ZNF587B: variants seen among roughly 807,000 people sequenced by gnomAD.
ZNF587B encodes zinc finger protein 587B.
Under a neutral mutation model 7.2 loss-of-function variants are expected in ZNF587B, and 6 were observed. The ratio of observed to expected loss-of-function variants is 0.83; its 90% CI spans 0.46 to 1.65. The LOEUF (loss-of-function observed/expected upper bound fraction) is 1.65, where lower values mean the gene tolerates loss of function less well. Ranked by LOEUF, ZNF587B falls within the 40% of genes most tolerant of loss-of-function variation. The pLI is 0.01. For synonymous variants in ZNF587B, 274 were observed against 254.3 expected (o/e 1.08, Z -0.74); for missense variants, 749 against 761.0 (o/e 0.98, Z 0.19).
intron 2 of ZNF587B, 109 bp downstream of exon 2, chr19:57,839,258 T>G (rs1988748881): frequency 6.6e-7 from 1 of 1,514,672 alleles, no homozygotes; most frequent in Non-Finnish European, 8.9e-7. Context: ...GCTTCCTGCT[T>G]CAGTTCTATG....
intron 1 of ZNF587B, among the ~76,000 whole-genome samples, chr19:57,837,857 C>G (rs1988683851): frequency 6.6e-6 from 1 of 152,024 alleles, no homozygotes; most frequent in Non-Finnish European, 1.5e-5. Flanking sequence ...AGCACTGGTA[C>G]TACAGGTGCG....
Position 57,842,173 on chromosome 19 carries a change from A to G in ZNF587B, c.1499A>G (p.Gln500Arg), listed in dbSNP as rs1280262625. The change falls in exon 3 of 3, where the codon CAG (glutamine) becomes CGG (arginine). Residue 500 changes from glutamine to arginine, a missense_variant. Transcript: ENST00000594901. ...GEKPYACEACQKFFRHKCHLT... is the reference protein window; with the variant it reads ...GEKPYACEACRKFFRHKCHLT... ...AAGCCATATGCTTGTGAGGCTTGTC[A>G]GAAATTTTTTAGGCACAAGTGCCAC... is the stretch of plus-strand genomic sequence containing the variant. 3 of 1,613,220 alleles carry G rather than the reference A, an allele frequency of 1.9e-6. No homozygotes were observed. Among genetic ancestry groups the G allele is most frequent in the Non-Finnish European group, 2.5e-6 (3 of 1,179,630 alleles).
intron 1 of ZNF587B, among the ~76,000 whole-genome samples, chr19:57,832,027 T>A (rs1251988554): frequency 6.6e-6 from 1 of 152,046 alleles, no homozygotes; most frequent in African/African-American, 2.4e-5. Context: ...TTTATTTGTT[T>A]ACTAAACAAA....
rs1427393935 is a variant in ZNF587B at position 57,830,458 on chromosome 19, G to C, written c.-71G>C. On this transcript the variant is annotated 5_prime_UTR_variant, in exon 1 of 3. Coordinates refer to ENST00000594901, the MANE Select transcript of ZNF587B (RefSeq NM_001376223.1). ...CGTGACCCACCCCTGGGCCAGGATA[G>C]GGACCGTCATGCCCATATCTCCTGG... The C allele has an allele frequency of 1.3e-5, 20 of 1,517,556 alleles. No homozygotes were observed. The highest frequency in any genetic ancestry group is 4.8e-5 in the South Asian group (4 of 83,370). 94.0% of individuals were successfully genotyped at this position (1,517,556 alleles called of 1,614,324 possible). A position where few individuals can be genotyped will look rare whatever the true frequency, so the allele number is the denominator to read the frequency against.
chr19:57,832,333 C>G (rs527742603), intron 1 of ZNF587B, among the ~76,000 whole-genome samples: 1 of 152,344 alleles, frequency 6.6e-6, no homozygotes, highest in South Asian at 2.1e-4. Context: ...GATCCGCCCG[C>G]CTTGGCCTCC....
rs774635301 is a variant in ZNF587B, at chr19:57,840,075, C to CAAA, written c.164-728_164-726dup. On this transcript the variant is annotated intron_variant, in intron 2 of 2. Transcript: ENST00000594901. ...GGGCAACAGAGCGAGACTCTGTCTC[C>CAAA]AAAAAAAAAAAAAAAAAAAAAAAAA... 1.2e-4 allele frequency among the ~76,000 whole-genome samples: 10 copies of CAAA among 81,076 alleles called. 1 individual carries two copies. The highest frequency in any genetic ancestry group is 2.3e-4 in the Non-Finnish European group (9 of 39,970). 53.2% of individuals were successfully genotyped at this position (81,076 alleles called of 152,430 possible). A position where few individuals can be genotyped will look rare whatever the true frequency, so the allele number is the denominator to read the frequency against.
At chr19:57,837,162 C>G (rs1259808019) in intron 1 of ZNF587B, among the ~76,000 whole-genome samples, 1 of 152,090 alleles carries the variant, frequency 6.6e-6, no homozygotes, top group South Asian at 2.1e-4. Flanking sequence ...GCTTGCATGC[C>G]ATGGCCGTGG....
intron 1 of ZNF587B, among the ~76,000 whole-genome samples, chr19:57,831,025 A>G (rs1379873592): frequency 2.6e-5 from 4 of 152,202 alleles, no homozygotes; most frequent in African/African-American, 7.2e-5. Context: ...CTTTAAGACT[A>G]TTAGAAGGTG....
intron 1 of ZNF587B, among the ~76,000 whole-genome samples, chr19:57,832,043 T>G (rs561835680): frequency 4.9e-4 from 75 of 152,014 alleles, no homozygotes; most frequent in Non-Finnish European, 9.3e-4. Context: ...ACAAAACATC[T>G]TACCCTTTAT....
Position 57,842,221 on chromosome 19 carries a change from A to C in ZNF587B, c.1547A>C (p.His516Pro), listed in dbSNP as rs748843175. The change falls in exon 3 of 3, where the codon CAC (histidine) becomes CCC (proline). Residue 516 changes from histidine (H) to proline (P), a missense_variant. This residue lies in a region of ZNF587B where 656 missense variants were observed against 596.5 expected (regional missense o/e 1.10). Coordinates refer to ENST00000594901, the MANE Select transcript of ZNF587B (RefSeq NM_001376223.1). ...CACCTCACTGCACACCAGAGAGTTC[A>C]CACTGGAGAAAGGCCATATGAATGC... is the stretch of plus-strand genomic sequence containing the variant. The part of the protein sequence containing the change: ...KCHLTAHQRV[H>P]TGERPYECSD... The C allele has an allele frequency of 6.2e-7, 1 of 1,613,596 alleles. No individual in the cohort carries two copies.
chr19:57,842,296 A>AG lies in ZNF587B; in HGVS notation c.1623dup (p.Arg542GlufsTer10). ...CACAGCTGTGCATTCATTGTTCATA[A>AG]GAGAGTTCACACTGGTCAGAAGCCT... On this transcript the variant is annotated frameshift_variant, in exon 3 of 3. Coordinates refer to ENST00000594901, the MANE Select transcript of ZNF587B (RefSeq NM_001376223.1). LOFTEE classifies it low-confidence loss of function (END_TRUNC). The AG allele has an allele frequency of 2.5e-6, 4 of 1,612,532 alleles. No individual in the cohort carries two copies. The highest frequency in any genetic ancestry group is 3.4e-6 in the Non-Finnish European group (4 of 1,179,142).
Position 57,841,762 on chromosome 19 carries a change from T to C in ZNF587B, c.1088T>C (p.Phe363Ser). ...AAGTGTGGAGAATGTGAGAAATCTT[T>C]TAGTCGGAAGCCCAGCCTTAGTTAC... Reference protein sequence around the residue: ...PYKCGECEKSFSRKPSLSYHQ... With the variant: ...PYKCGECEKSSSRKPSLSYHQ... The change falls in exon 3 of 3, where the codon TTT (phenylalanine) becomes TCT (serine). Residue 363 changes from phenylalanine (F) to serine (S), a missense_variant. By Grantham distance (155) the Phe-to-Ser change is radical. Coordinates refer to ENST00000594901, the MANE Select transcript of ZNF587B (RefSeq NM_001376223.1). 6.2e-7 allele frequency: 1 copy of C among 1,608,970 alleles called. No homozygotes were observed. Among genetic ancestry groups the C allele is most frequent in the Non-Finnish European group, 8.5e-7 (1 of 1,177,658 alleles).
At position 57,830,498 on chromosome 19, in the gene ZNF587B, C is replaced by T. The variant is rs1310617882; in HGVS notation, c.-31C>T. ...ATATCTCCTGGCTGGTCACCCTCTCCTCCCAACCCTGCTTTAAACCACGTG... is the reference window on the plus strand; with the variant it reads ...ATATCTCCTGGCTGGTCACCCTCTCTTCCCAACCCTGCTTTAAACCACGTG... On this transcript the variant is annotated 5_prime_UTR_variant, in exon 1 of 3. Transcript: ENST00000594901. The T allele has an allele frequency of 2.0e-5, 31 of 1,548,532 alleles. No homozygotes were observed. Among genetic ancestry groups the T allele is most frequent in the Admixed American group, 5.9e-5 (3 of 50,990 alleles).
chr19:57,841,946 C>T lies in ZNF587B; in HGVS notation c.1272C>T (p.His424=), dbSNP rs759057913. 6.2e-7 allele frequency: 1 copy of T among 1,612,850 alleles called. No individual in the cohort carries two copies. Among genetic ancestry groups the T allele is most frequent in the Non-Finnish European group, 8.5e-7 (1 of 1,179,440 alleles). The change falls in exon 3 of 3, where the codon CAC becomes CAT. Residue 424 remains histidine (H), a synonymous_variant. Transcript: ENST00000594901. ...GGAAATCTTTTAATGAAAAAGGACA[C>T]CTTAGGAGTCATCAGCGAGTTCACA... is the stretch of plus-strand genomic sequence containing the variant. ...DCGKSFNEKG[H]LRSHQRVHTT...
rs1988945849 is a variant in ZNF587B at position 57,843,587 on chromosome 19, G to GTGTTTTTTTTTTTTTTTTTTTTTT, written c.*1012_*1013insGTTTTTTTTTTTTTTTTTTTTTTT. On this transcript the variant is annotated 3_prime_UTR_variant, in exon 3 of 3. Coordinates refer to ENST00000594901, the MANE Select transcript of ZNF587B (RefSeq NM_001376223.1). ...GTTTGGTTGGTTGGTTGGTTGGTTG[G>GTGTTTTTTTTTTTTTTTTTTTTTT]TTGTTTTTTTTTGTTTTTTTTTTTT... The GTGTTTTTTTTTTTTTTTTTTTTTT allele has an allele frequency of 1.4e-6, 1 of 738,198 alleles. No individual in the cohort carries two copies. Among genetic ancestry groups the GTGTTTTTTTTTTTTTTTTTTTTTT allele is most frequent in the Non-Finnish European group, 1.6e-6 (1 of 639,028 alleles). The allele number at this position is 738,198 out of a possible 1,614,324, so 45.7% of individuals were successfully genotyped here.
rs1278576175 is a variant in ZNF587B at position 57,845,148 on chromosome 19, G to A, written c.*2572G>A. 1 of 152,088 alleles carries A rather than the reference G, an allele frequency of 6.6e-6. No individual in the cohort carries two copies. The highest frequency in any genetic ancestry group is 1.5e-5 in the Non-Finnish European group (1 of 68,034). 9.4% of individuals were successfully genotyped at this position (152,088 alleles called of 1,614,324 possible). ...CATGCCACCACACCACTAATGTTTTGTGGTTTTAGTAGAGACGGGTTTCAC... is the reference window on the plus strand; with the variant it reads ...CATGCCACCACACCACTAATGTTTTATGGTTTTAGTAGAGACGGGTTTCAC... On this transcript the variant is annotated 3_prime_UTR_variant, in exon 3 of 3. Coordinates refer to ENST00000594901, the MANE Select transcript of ZNF587B (RefSeq NM_001376223.1).
intron 1 of ZNF587B, among the ~76,000 whole-genome samples, chr19:57,834,566 G>A (rs1168440243): frequency 9.8e-6 from 1 of 102,064 alleles, no homozygotes; most frequent in Non-Finnish European, 2.1e-5. Context: ...GGGTGTGGTG[G>A]CTCACGCCTG....
At position 57,834,938 on chromosome 19, in the gene ZNF587B, T is replaced by C. The variant is rs1988546552; in HGVS notation, c.37-4085T>C. 1.9e-5 allele frequency among the ~76,000 whole-genome samples: 2 copies of C among 104,570 alleles called. 1 individual carries two copies. Among genetic ancestry groups the C allele is most frequent in the African/African-American group, 8.1e-5 (2 of 24,806 alleles). The allele number at this position is 104,570 out of a possible 152,430, so 68.6% of individuals were successfully genotyped here. A position where few individuals can be genotyped will look rare whatever the true frequency, so the allele number is the denominator to read the frequency against. On this transcript the variant is annotated intron_variant, in intron 1 of 2. Coordinates refer to ENST00000594901, the MANE Select transcript of ZNF587B (RefSeq NM_001376223.1). ...TCCTGCTCTGTTGCACCTCTCGAGCTCAGTCCTTTCAACCGGAAACACTAG... is the reference window on the plus strand; with the variant it reads ...TCCTGCTCTGTTGCACCTCTCGAGCCCAGTCCTTTCAACCGGAAACACTAG...
rs866275117 is a variant in ZNF587B at position 57,842,371 on chromosome 19, C to G, written c.1697C>G (p.Thr566Ser). 6.2e-7 allele frequency: 1 copy of G among 1,604,230 alleles called. No homozygotes were observed. ...GKSFAASSYLTSHRRVHTGQK... is the reference protein window; with the variant it reads ...GKSFAASSYLSSHRRVHTGQK... ...TCTTTTGCTGCAAGCTCCTATCTCA[C>G]TAGTCACAGGAGAGTTCACACTGGT... Residue 566 changes from threonine to serine, a missense_variant, in exon 3 of 3, where the codon ACT becomes AGT. Coordinates refer to ENST00000594901, the MANE Select transcript of ZNF587B (RefSeq NM_001376223.1).
Sources: allele counts gnomAD v4.1 joint callset (sites outside exome capture counted in the v4.1 genomes callset), GRCh38; gene constraint gnomAD v4.1.1; regional missense constraint gnomAD v4.1.1; transcripts MANE v1.5; gene names NCBI Gene and HGNC (gene_info 2026-07-23, HGNC 2026-07-21).